Variants in LPP observed in about 807,000 individuals in gnomAD.
The protein encoded by LPP is lipoma-preferred partner.
LPP carries 38 observed loss-of-function variants against 60.4 expected under a neutral mutation model. The ratio of observed to expected loss-of-function variants is 0.63; its 90% CI spans 0.49 to 0.83. The LOEUF is 0.83. Among genes scored for constraint, LPP ranks in the 40% least tolerant of loss-of-function variants. LPP has a pLI of 0.00. For missense variants in LPP, 902 were observed against 783.6 expected (o/e 1.15, Z -1.80); for synonymous variants, 328 against 290.8 (o/e 1.13, Z -1.30).
At chr3:188,219,546 T>C (rs904063406) in intron 1 of LPP, among the ~76,000 whole-genome samples, 13 of 152,178 alleles carry the variant, frequency 8.5e-5, no homozygotes, top group Admixed American at 3.9e-4. Flanking sequence ...TGAAAGGCTA[T>C]TTGCATAGCC....
chr3:188,272,999 A>G (rs997466267), intron 2 of LPP, among the ~76,000 whole-genome samples: 2 of 152,244 alleles, frequency 1.3e-5, no homozygotes, highest in African/African-American at 4.8e-5. Context: ...ATGCTGAAAT[A>G]CAGTGAAGAA....
At chr3:188,843,091 C>A (rs1760433668) in intron 9 of LPP, among the ~76,000 whole-genome samples, 1 of 152,062 alleles carries the variant, frequency 6.6e-6, no homozygotes, top group South Asian at 2.1e-4. Context: ...CACGATTATA[C>A]CATAATTAAT....
At chr3:188,565,165 C>G (rs983259772) in intron 6 of LPP, among the ~76,000 whole-genome samples, 1 of 151,872 alleles carries the variant, frequency 6.6e-6, no homozygotes, top group Non-Finnish European at 1.5e-5. Flanking sequence ...CTAGCTGTGG[C>G]CAGAGTGCAG....
At position 188,525,736 on chromosome 3, in the gene LPP, C is replaced by T. The variant is rs573640274; in HGVS notation, c.429+949C>T. The stretch of plus-strand genomic sequence containing the variant: ...GAGACCACTTTATTTACTTTTCTTT[C>T]CTAAGGTTGTGAATAGTTGATACTG... On this transcript the variant is annotated intron_variant, in intron 6 of 11. Transcript: ENST00000617246. 1.3e-4 allele frequency among the ~76,000 whole-genome samples: 20 copies of T among 152,182 alleles called. No individual in the cohort carries two copies. In the South Asian group the frequency reaches 3.9e-3, roughly 30 times the overall value.
rs556627221 is a variant in LPP, at chr3:188,230,770, T to C, written c.-67+5243T>C. Among the ~76,000 whole-genome samples, 7 of 143,180 alleles carry C rather than the reference T, an allele frequency of 4.9e-5. No homozygotes were observed. The South Asian group carries it at 1.4e-3, about 28-fold the overall frequency. 93.9% of individuals were successfully genotyped at this position (143,180 alleles called of 152,430 possible). ...CCTGGGCAACAACAGCAAAACTCTG[T>C]CTCAAAAAAAAAAAAAAAGAAAAAA... On this transcript the variant is annotated intron_variant, in intron 2 of 11. Transcript: ENST00000617246.
chr3:188,569,323 G>A (rs751491540), intron 6 of LPP, among the ~76,000 whole-genome samples: 1 of 151,678 alleles, frequency 6.6e-6, no homozygotes, highest in East Asian at 1.9e-4. Flanking sequence ...GAAAGTTTGA[G>A]GAAAAAATGA....
chr3:188,663,282 G>A (rs1318182157), intron 7 of LPP, among the ~76,000 whole-genome samples: 2 of 152,164 alleles, frequency 1.3e-5, no homozygotes, highest in Admixed American at 6.5e-5. Flanking sequence ...TTACAGCTTT[G>A]TATTTCCCTT....
At chr3:188,688,608 A>G (rs1036860140) in intron 7 of LPP, among the ~76,000 whole-genome samples, 2 of 152,222 alleles carry the variant, frequency 1.3e-5, no homozygotes, top group Non-Finnish European at 2.9e-5. Flanking sequence ...CAGGAGTTTG[A>G]CAAAGAGGAG....
At chr3:188,707,905 G>A (rs369478514) in intron 7 of LPP, among the ~76,000 whole-genome samples, 2 of 152,080 alleles carry the variant, frequency 1.3e-5, no homozygotes, top group East Asian at 3.9e-4. Context: ...TTATTAATGT[G>A]CCTGTATCTC....
At chr3:188,382,160 T>C (rs1396863038) in intron 3 of LPP, among the ~76,000 whole-genome samples, 1 of 152,172 alleles carries the variant, frequency 6.6e-6, no homozygotes, top group Non-Finnish European at 1.5e-5. Flanking sequence ...CCAGTTCATA[T>C]CCCATTTGCC....
At chr3:188,359,872 T>C (rs1768757854) in intron 3 of LPP, among the ~76,000 whole-genome samples, 1 of 152,184 alleles carries the variant, frequency 6.6e-6, no homozygotes, top group South Asian at 2.1e-4. Flanking sequence ...TTTAGGTTTA[T>C]ACCTCTTTCT....
At chr3:188,413,294 A>C (rs747605690) in intron 4 of LPP, among the ~76,000 whole-genome samples, 1 of 152,112 alleles carries the variant, frequency 6.6e-6, no homozygotes, top group African/African-American at 2.4e-5. Flanking sequence ...TGCAAAGAGA[A>C]TCTTGCTCTG....
At chr3:188,665,185 G>T (rs1855494078) in intron 7 of LPP, among the ~76,000 whole-genome samples, 1 of 152,138 alleles carries the variant, frequency 6.6e-6, no homozygotes, top group African/African-American at 2.4e-5. Context: ...GAAATTGAAT[G>T]TTGGTAAATA....
intron 2 of LPP, among the ~76,000 whole-genome samples, chr3:188,313,742 A>T (rs950553325): frequency 1.3e-5 from 2 of 152,164 alleles, no homozygotes; most frequent in Non-Finnish European, 2.9e-5. Context: ...CATTGTAAAA[A>T]TGTTGATTCT....
intron 1 of LPP, among the ~76,000 whole-genome samples, chr3:188,222,903 G>T (rs939955163): frequency 6.6e-6 from 1 of 151,922 alleles, no homozygotes; most frequent in South Asian, 2.1e-4. Context: ...ATTTGAAGAG[G>T]GCTTTATATT....
chr3:188,587,556 C>A (rs1837744896), intron 6 of LPP, among the ~76,000 whole-genome samples: 1 of 152,130 alleles, frequency 6.6e-6, no homozygotes, highest in African/African-American at 2.4e-5. Flanking sequence ...ATAATGTGGT[C>A]TGTTTCCAAA....
At chr3:188,602,952 G>A (rs563953008) in intron 6 of LPP, among the ~76,000 whole-genome samples, 4 of 151,336 alleles carry the variant, frequency 2.6e-5, no homozygotes, top group African/African-American at 4.8e-5. Context: ...CTTCAACTGG[G>A]AATTGTAAAG....
intron 3 of LPP, among the ~76,000 whole-genome samples, chr3:188,374,852 A>T (rs1273104985): frequency 6.6e-6 from 1 of 151,992 alleles, no homozygotes. Flanking sequence ...TTTGTCATAG[A>T]TAGCTCTTAT....
chr3:188,190,378 A>T (rs1027764299), intron 1 of LPP, among the ~76,000 whole-genome samples: 1 of 151,990 alleles, frequency 6.6e-6, no homozygotes, highest in Admixed American at 6.6e-5. Flanking sequence ...GATTTTAATT[A>T]TGAGGAGATT....
Sources: gnomAD v4.1 joint callset for allele counts (sites outside exome capture counted in the v4.1 genomes callset) on GRCh38, gnomAD v4.1.1 for gene constraint, MANE v1.5 for transcripts, NCBI Gene and HGNC (gene_info 2026-07-23, HGNC 2026-07-21) for gene names.